SORCS1: variants seen among roughly 807,000 people sequenced by gnomAD.
The protein encoded by SORCS1 is VPS10 domain-containing receptor SorCS1.
A neutral mutation model predicts 146.1 loss-of-function variants in SORCS1; 60 were observed. The observed-to-expected ratio is 0.41, with a 90% CI of 0.33 to 0.51. The LOEUF (loss-of-function observed/expected upper bound fraction) is 0.51. Among genes scored for constraint, SORCS1 ranks in the 20% least tolerant of loss-of-function variants. The pLI is 0.21. For synonymous variants in SORCS1, 637 were observed against 584.0 expected, an observed-to-expected ratio of 1.09 and a Z score of -1.31; for missense variants, 1,352 against 1,487.6, an observed-to-expected ratio of 0.91 and a Z score of 1.50.
rs3982430 is a variant in SORCS1 at position 106,878,620 on chromosome 10, G to GTATATATATATATA, written c.627-48961_627-48948dup. Among the ~76,000 whole-genome samples the GTATATATATATATA allele has an allele frequency of 5.7e-3, 481 of 84,862 alleles. 11 individuals are homozygous for GTATATATATATATA. The highest frequency in any genetic ancestry group is 0.02 in the African/African-American group (425 of 21,742). The allele number at this position is 84,862 out of a possible 152,430, so 55.7% of individuals were successfully genotyped here. On this transcript the variant is annotated intron_variant, in intron 2 of 25. Transcript: ENST00000263054. ...AAATTTGTTTTTTATAAACTACCTA[G>GTATATATATATATA]TATATATATATATATATATATATAT...
At chr10:107,103,720 A>T (rs1965108428) in intron 1 of SORCS1, among the ~76,000 whole-genome samples, 1 of 152,196 alleles carries the variant, frequency 6.6e-6, no homozygotes, top group African/African-American at 2.4e-5. Flanking sequence ...GAAATATGCC[A>T]TCTGCATTGT....
intron 1 of SORCS1, among the ~76,000 whole-genome samples, chr10:107,136,738 A>G (rs929041491): frequency 5.9e-5 from 9 of 152,152 alleles, no homozygotes; most frequent in Admixed American, 2.0e-4. Flanking sequence ...CATGGCCAAG[A>G]TCACCCAGCT....
At chr10:106,623,324 C>A (rs1251423016) in intron 19 of SORCS1, among the ~76,000 whole-genome samples, 2 of 150,514 alleles carry the variant, frequency 1.3e-5, no homozygotes, top group Non-Finnish European at 3.0e-5. Context: ...AGCATTGCAA[C>A]CTCTGCCTCC....
intron 1 of SORCS1, among the ~76,000 whole-genome samples, chr10:107,006,549 G>A (rs908874752): frequency 6.6e-6 from 1 of 152,208 alleles, no homozygotes; most frequent in African/African-American, 2.4e-5. Context: ...CGGGCATGGT[G>A]GCTCACGCCT....
chr10:106,764,748 G>A (rs1859422838), intron 4 of SORCS1, among the ~76,000 whole-genome samples: 2 of 152,172 alleles, frequency 1.3e-5, no homozygotes, highest in African/African-American at 2.4e-5. Context: ...TCTTGGCCGG[G>A]CGCGGTGGCT....
intron 1 of SORCS1, among the ~76,000 whole-genome samples, chr10:107,007,560 A>G (rs1957509800): frequency 6.6e-6 from 1 of 152,194 alleles, no homozygotes; most frequent in African/African-American, 2.4e-5. Context: ...CGCCTCATAC[A>G]ACTGCCACTG....
At chr10:106,739,656 A>T (rs945745011) in intron 5 of SORCS1, among the ~76,000 whole-genome samples, 37 of 150,326 alleles carry the variant, frequency 2.5e-4, no homozygotes, top group East Asian at 1.2e-3. Flanking sequence ...AAATACAAAA[A>T]AAATATATAT....
intron 18 of SORCS1, among the ~76,000 whole-genome samples, chr10:106,639,483 G>A (rs191037846): frequency 3.3e-4 from 51 of 152,278 alleles, no homozygotes; most frequent in African/African-American, 1.2e-3. Flanking sequence ...TAGTTTTGAG[G>A]GGAGTGAGAA....
At chr10:106,702,498 A>G (rs1564876136) in intron 8 of SORCS1, among the ~76,000 whole-genome samples, 1 of 152,142 alleles carries the variant, frequency 6.6e-6, no homozygotes, top group African/African-American at 2.4e-5. Flanking sequence ...CCAAGACTTT[A>G]TTTTGTAGAT....
chr10:106,912,121 A>AAC (rs1952194077), intron 2 of SORCS1, among the ~76,000 whole-genome samples: 3 of 149,104 alleles, frequency 2.0e-5, no homozygotes, highest in African/African-American at 7.4e-5. Context: ...TCAAAAAAAA[A>AAC]AAACAAACAA....
At chr10:106,725,125 G>A (rs949209471) in intron 6 of SORCS1, among the ~76,000 whole-genome samples, 60 of 151,702 alleles carry the variant, frequency 4.0e-4, no homozygotes, top group African/African-American at 1.4e-3. Flanking sequence ...GGGCAACAGA[G>A]AGAGACTTCA....
intron 2 of SORCS1, among the ~76,000 whole-genome samples, chr10:106,929,516 C>T (rs571623292): frequency 2.0e-5 from 3 of 152,150 alleles, no homozygotes; most frequent in South Asian, 4.1e-4. Flanking sequence ...TTTCTTTTTC[C>T]GTCTCTAACA....
At chr10:107,006,246 C>T (rs557967493) in intron 1 of SORCS1, among the ~76,000 whole-genome samples, 26 of 152,272 alleles carry the variant, frequency 1.7e-4, no homozygotes, top group Admixed American at 5.2e-4. Flanking sequence ...AAGCTCTTAA[C>T]CTATATCCTT....
intron 1 of SORCS1, among the ~76,000 whole-genome samples, chr10:107,102,506 T>G (rs1964995706): frequency 6.6e-6 from 1 of 152,220 alleles, no homozygotes; most frequent in Non-Finnish European, 1.5e-5. Flanking sequence ...TTTAATGGTA[T>G]CAATTTTTGG....
chr10:107,022,486 T>C (rs2133878171), intron 1 of SORCS1, among the ~76,000 whole-genome samples: 1 of 152,194 alleles, frequency 6.6e-6, no homozygotes, highest in East Asian at 1.9e-4. Flanking sequence ...CCCATATGCT[T>C]GGCATAAGAG....
chr10:106,761,692 G>A, intron 4 of SORCS1, 31 bp from the exon 5 acceptor site: 2 of 1,564,492 alleles, frequency 1.3e-6, no homozygotes, highest in Non-Finnish European at 1.8e-6. Context: ...TCAGCACTAT[G>A]GTTCTATAGT....
At chr10:106,683,636 C>T (rs562964042) in intron 10 of SORCS1, among the ~76,000 whole-genome samples, 7 of 152,284 alleles carry the variant, frequency 4.6e-5, no homozygotes, top group African/African-American at 1.7e-4. Context: ...ATTCTTTCTC[C>T]TCAGCCTCTG....
intron 8 of SORCS1, among the ~76,000 whole-genome samples, chr10:106,701,153 G>T (rs1484544708): frequency 6.6e-6 from 1 of 152,014 alleles, no homozygotes; most frequent in Non-Finnish European, 1.5e-5. Flanking sequence ...GTAAATAGTT[G>T]TATCATTTAT....
At chr10:106,686,830 G>GT (rs1476908465) in intron 10 of SORCS1, among the ~76,000 whole-genome samples, 1 of 152,206 alleles carries the variant, frequency 6.6e-6, no homozygotes, top group Non-Finnish European at 1.5e-5. Context: ...GCCTACAGCT[G>GT]TAAGAGATGA....
Sources: gnomAD v4.1 joint callset for allele counts (sites outside exome capture counted in the v4.1 genomes callset) on GRCh38, gnomAD v4.1.1 for gene constraint, MANE v1.5 for transcripts, NCBI Gene and HGNC (gene_info 2026-07-23, HGNC 2026-07-21) for gene names.